The following C19orf81 variants were observed in gnomAD, a reference collection of about 807,000 sequenced individuals.
C19orf81 encodes the protein chromosome 19 open reading frame 81, also known as putative uncharacterized protein C19orf81.
C19orf81 carries 19 observed loss-of-function variants against 22.1 expected under a neutral mutation model. The ratio of observed to expected loss-of-function variants is 0.86; its 90% CI spans 0.60 to 1.26. C19orf81 has a LOEUF of 1.26. C19orf81 is among the 50% of genes most tolerant of loss of function. C19orf81 has a pLI of 0.00. For missense variants in C19orf81, 287 were observed against 280.7 expected (o/e 1.02, Z -0.16); for synonymous variants, 108 against 113.1 (o/e 0.95, Z 0.29).
chr19:50,653,287 C>T (rs1313985260), intron 1 of C19orf81, among the ~76,000 whole-genome samples: 1 of 152,146 alleles, frequency 6.6e-6, no homozygotes, highest in Admixed American at 6.6e-5. Context: ...AATCTGCCCA[C>T]TTTGGCATCC....
At position 50,659,305 on chromosome 19, in the gene C19orf81, A is replaced by C. The variant is rs1332945519; in HGVS notation, c.*163A>C. 7.5e-6 allele frequency: 4 copies of C among 531,050 alleles called. No individual in the cohort carries two copies. The highest frequency in any genetic ancestry group is 2.0e-5 in the African/African-American group (1 of 50,512). The allele number at this position is 531,050 out of a possible 1,614,324, so 32.9% of individuals were successfully genotyped here. ...AATTATAAAGAATGACCTGGTACAA[A>C]AGCCATTTCTCTCTGCAAAATCTTG... On this transcript the variant is annotated 3_prime_UTR_variant, in exon 5 of 5. Transcript: ENST00000425202.
At position 50,659,098 on chromosome 19, in the gene C19orf81, C is replaced by T. The variant is rs1489628154; in HGVS notation, c.553C>T (p.Arg185Cys). 1.3e-6 allele frequency: 2 copies of T among 1,494,700 alleles called. No homozygotes were observed. The highest frequency in any genetic ancestry group is 4.2e-5 in the Admixed American group (2 of 47,474). 92.6% of individuals were successfully genotyped at this position (1,494,700 alleles called of 1,614,324 possible). The change falls in exon 5 of 5, where the codon CGC becomes TGC. Residue 185 changes from arginine to cysteine, a missense_variant. Physicochemically the swap from Arg to Cys is radical, Grantham distance 180 (BLOSUM62 -3). Transcript: ENST00000425202. ...LHLRRSLVRR[R>C]MLEALGAEPN... Reference sequence around the variant, plus strand: ...CCTGCGCCGCTCCCTGGTCCGGCGGCGCATGCTCGAGGCCCTGGGGGCGGA... The same window carrying T: ...CCTGCGCCGCTCCCTGGTCCGGCGGTGCATGCTCGAGGCCCTGGGGGCGGA...
intron 1 of C19orf81, among the ~76,000 whole-genome samples, chr19:50,653,845 G>C (rs1304922774): frequency 6.6e-6 from 1 of 151,956 alleles, no homozygotes; most frequent in Non-Finnish European, 1.5e-5. Context: ...CTCTGGATGG[G>C]AGACTGATGG....
rs1196909390 is a variant in C19orf81, at chr19:50,656,300, C to G, written c.215C>G (p.Pro72Arg). The change falls in exon 3 of 5, where the codon CCC becomes CGC. Residue 72 changes from proline (P) to arginine (R), a missense_variant. Transcript: ENST00000425202. The stretch of plus-strand genomic sequence containing the variant: ...GAACTCCCGTGCATCCGGAAGTTCC[C>G]CACACCACCAGCTTCCCAGCCCCTC... Reference protein sequence around the residue: ...DRELPCIRKFPTPPASQPLCL... With the variant: ...DRELPCIRKFRTPPASQPLCL... The G allele has an allele frequency of 6.5e-7, 1 of 1,536,216 alleles. No homozygotes were observed. Among genetic ancestry groups the G allele is most frequent in the South Asian group, 1.2e-5 (1 of 84,062 alleles).
rs1985071699 is a variant in C19orf81 at position 50,658,972 on chromosome 19, C to T, written c.427C>T (p.Gln143Ter). 4.0e-6 allele frequency: 6 copies of T among 1,506,506 alleles called. No individual in the cohort carries two copies. Among genetic ancestry groups the T allele is most frequent in the Admixed American group, 2.1e-5 (1 of 48,064 alleles). 93.3% of individuals were successfully genotyped at this position (1,506,506 alleles called of 1,614,324 possible). A position where few individuals can be genotyped will look rare whatever the true frequency, so the allele number is the denominator to read the frequency against. ...GTGGCTCATCGCGGTCACGGACTTC[C>T]AGACGCGCTCGCGCTTGCTGCGCTC... ...NRWLIAVTDF[Q>*]TRSRLLRSGL... Residue 143 changes from glutamine to a stop codon, truncating the protein, a stop_gained, in exon 5 of 5, where the codon CAG (glutamine) becomes TAG (stop). Transcript: ENST00000425202. LOFTEE classifies it high-confidence loss of function.
intron 4 of C19orf81, 57 bp downstream of exon 4, chr19:50,658,185 G>T: frequency 6.8e-7 from 1 of 1,477,426 alleles, no homozygotes; most frequent in Non-Finnish European, 9.0e-7. Context: ...GGCCCGGGGC[G>T]ACCGGGTAAG....
In C19orf81 at chr19:50,649,514, A is replaced by T; in HGVS notation, c.67+3A>T. 1 of 1,536,116 alleles carries T rather than the reference A, an allele frequency of 6.5e-7. No individual in the cohort carries two copies. The highest frequency in any genetic ancestry group is 8.7e-7 in the Non-Finnish European group (1 of 1,146,820). On this transcript the variant is annotated splice_donor_region_variant and intron_variant, in intron 1 of 4. Transcript: ENST00000425202. ...CCCCACCATGCACAGGAAGGCAGGTACTGAGCTGTGTCTTTGGGGGAAGGG... is the reference window on the plus strand; with the variant it reads ...CCCCACCATGCACAGGAAGGCAGGTTCTGAGCTGTGTCTTTGGGGGAAGGG...
intron 3 of C19orf81, among the ~76,000 whole-genome samples, chr19:50,657,225 C>T (rs184827179): frequency 6.6e-6 from 1 of 152,310 alleles, no homozygotes; most frequent in East Asian, 1.9e-4. Context: ...TAACTCTCCA[C>T]CCTGCATACA....
chr19:50,654,190 C>T (rs927277921), intron 1 of C19orf81, among the ~76,000 whole-genome samples: 1 of 152,018 alleles, frequency 6.6e-6, no homozygotes, highest in African/African-American at 2.4e-5. Flanking sequence ...ACAAAGACAC[C>T]CCAAAACACA....
At chr19:50,653,681 A>G (rs1338707110) in intron 1 of C19orf81, among the ~76,000 whole-genome samples, 1 of 120,646 alleles carries the variant, frequency 8.3e-6, no homozygotes, top group Non-Finnish European at 1.7e-5. Context: ...AATGAGAGAC[A>G]GCACACACAC....
chr19:50,657,438 A>G (rs187372036), intron 3 of C19orf81, among the ~76,000 whole-genome samples: 1 of 152,304 alleles, frequency 6.6e-6, no homozygotes, highest in Non-Finnish European at 1.5e-5. Context: ...GACAACTGTT[A>G]TCACCCTTGA....
rs147548245 is a variant in C19orf81 at position 50,656,558 on chromosome 19, G to A, written c.261+212G>A. On this transcript the variant is annotated intron_variant, in intron 3 of 4. Coordinates refer to ENST00000425202, the MANE Select transcript of C19orf81 (RefSeq NM_001195076.2). ...GCTCATGTCAGAGGGGAGACCAACGGGCAAAGAAAGGGGAGGCTGAGGGGG... is the reference window on the plus strand; with the variant it reads ...GCTCATGTCAGAGGGGAGACCAACGAGCAAAGAAAGGGGAGGCTGAGGGGG... Among the ~76,000 whole-genome samples the A allele has an allele frequency of 2.3e-3, 349 of 152,270 alleles. 1 individual carries two copies. The highest frequency in any genetic ancestry group is 0.01 in the Middle Eastern group (3 of 294).
At chr19:50,650,117 TCTCTGACTTC>T (rs1984845757) in intron 1 of C19orf81, among the ~76,000 whole-genome samples, 1 of 152,164 alleles carries the variant, frequency 6.6e-6, no homozygotes, top group South Asian at 2.1e-4. Context: ...CAGAGAGGTC[TCTCTGACTTC>T]CTGCAGTGAT....
Position 50,649,707 on chromosome 19 carries a change from C to A in C19orf81, c.67+196C>A, listed in dbSNP as rs1984837939. On this transcript the variant is annotated intron_variant, in intron 1 of 4. Transcript: ENST00000425202. ...AAACTACATTTCCCATGAGCCTCTG[C>A]AGTTCCTTGGCCAATGCCCTGGACT... The A allele has an allele frequency of 6.5e-5, 46 of 703,716 alleles. 1 individual carries two copies. The South Asian group carries it at 6.9e-4, about 11-fold the overall frequency. The allele number at this position is 703,716 out of a possible 1,614,324, so 43.6% of individuals were successfully genotyped here. A position where few individuals can be genotyped will look rare whatever the true frequency, so the allele number is the denominator to read the frequency against.
At chr19:50,651,972 G>A (rs1362009854) in intron 1 of C19orf81, among the ~76,000 whole-genome samples, 2 of 152,006 alleles carry the variant, frequency 1.3e-5, no homozygotes, top group African/African-American at 4.8e-5. Context: ...GCTTGTACAA[G>A]GCTATTTTTT....
At chr19:50,650,444 T>C (rs963642855) in intron 1 of C19orf81, among the ~76,000 whole-genome samples, 2 of 152,030 alleles carry the variant, frequency 1.3e-5, no homozygotes, top group African/African-American at 2.4e-5. Flanking sequence ...CCGAGGTGAG[T>C]GGATCACCTG....
At chr19:50,656,372 C>A in intron 3 of C19orf81, 26 bp downstream of exon 3, 1 of 1,523,020 alleles carries the variant, frequency 6.6e-7, no homozygotes, top group Non-Finnish European at 8.8e-7. Context: ...CCCTTATTTT[C>A]TGCACAGTTT....
At chr19:50,649,635 C>A in intron 1 of C19orf81, 124 bp downstream of exon 1, 1 of 1,089,022 alleles carries the variant, frequency 9.2e-7, no homozygotes, top group Non-Finnish European at 1.3e-6. Flanking sequence ...CCATCCCTAG[C>A]ATTCCTGGAT....
intron 1 of C19orf81, among the ~76,000 whole-genome samples, chr19:50,653,262 C>G (rs556096835): frequency 6.6e-6 from 1 of 152,078 alleles, no homozygotes; most frequent in East Asian, 1.9e-4. Context: ...TGGTCTCGAA[C>G]TCCTGAGCTC....
Sources: gnomAD v4.1 joint callset for allele counts (sites outside exome capture counted in the v4.1 genomes callset) on GRCh38, gnomAD v4.1.1 for gene constraint, MANE v1.5 for transcripts, NCBI Gene and HGNC (gene_info 2026-07-23, HGNC 2026-07-21) for gene names.